The following PRLR variants were observed in gnomAD, a reference collection of about 807,000 sequenced individuals.
The protein encoded by PRLR is hPRL receptor.
In PRLR, 13 loss-of-function variants were observed where a neutral mutation model predicts 40.2. The ratio of observed to expected loss-of-function variants is 0.32; its 90% confidence interval spans 0.21 to 0.51. The LOEUF is 0.51. Among genes scored for constraint, PRLR ranks in the 20% least tolerant of loss-of-function variants. The probability of loss-of-function intolerance (pLI) is 0.97; values close to 1 mark genes in which losing one functional copy is unlikely to be tolerated. For synonymous variants in PRLR, 269 were observed against 278.7 expected (o/e 0.97, Z 0.35); for missense variants, 656 against 747.3 (o/e 0.88, Z 1.42).
chr5:35,085,500 T>C (rs1025599920), intron 4 of PRLR, among the ~76,000 whole-genome samples: 2 of 152,216 alleles, frequency 1.3e-5, no homozygotes, highest in African/African-American at 4.8e-5. Flanking sequence ...GGTTTAGCCC[T>C]CATTTCAACC....
chr5:35,113,631 T>C (rs1772834253), intron 2 of PRLR, among the ~76,000 whole-genome samples: 3 of 152,246 alleles, frequency 2.0e-5, no homozygotes, highest in Admixed American at 2.0e-4. Flanking sequence ...GGTAGGGTCC[T>C]AAGAATACAA....
At chr5:35,151,572 G>C (rs1301942310) in intron 1 of PRLR, among the ~76,000 whole-genome samples, 1 of 152,046 alleles carries the variant, frequency 6.6e-6, no homozygotes, top group Non-Finnish European at 1.5e-5. Flanking sequence ...TGACCACCAA[G>C]ACTAGATCAG....
intron 2 of PRLR, among the ~76,000 whole-genome samples, chr5:35,092,118 A>G (rs1771250231): frequency 6.6e-6 from 1 of 152,198 alleles, no homozygotes; most frequent in African/African-American, 2.4e-5. Context: ...GTGCTAGTAC[A>G]GGATCAAAGA....
intron 1 of PRLR, among the ~76,000 whole-genome samples, chr5:35,183,586 A>C (rs1775348415): frequency 6.6e-6 from 1 of 152,166 alleles, no homozygotes; most frequent in Non-Finnish European, 1.5e-5. Context: ...TGAGCCCATC[A>C]TATTGGCTTA....
At chr5:35,089,717 A>C in intron 2 of PRLR, 54 bp from the exon 3 acceptor site, 1 of 1,090,106 alleles carries the variant, frequency 9.2e-7, no homozygotes, top group Non-Finnish European at 1.4e-6. Context: ...GGTCAGGCAC[A>C]TCCACCACTT....
chr5:35,156,158 C>CAAA (rs1774498691), intron 1 of PRLR, among the ~76,000 whole-genome samples: 2 of 147,218 alleles, frequency 1.4e-5, no homozygotes, highest in African/African-American at 5.4e-5. Flanking sequence ...AAAACAAAAC[C>CAAA]AACTTTGAAT....
At chr5:35,176,311 T>C (rs1158685196) in intron 1 of PRLR, among the ~76,000 whole-genome samples, 1 of 152,264 alleles carries the variant, frequency 6.6e-6, no homozygotes, top group Admixed American at 6.5e-5. Flanking sequence ...TAACATTTTT[T>C]AACTTTCTTT....
downstream of PRLR, among the ~76,000 whole-genome samples, chr5:35,052,813 C>A (rs755526716): frequency 2.6e-5 from 4 of 152,140 alleles, no homozygotes; most frequent in Non-Finnish European, 5.9e-5. Context: ...GACAGACAGG[C>A]CTTGCTAGGT....
At chr5:35,126,301 T>A (rs1773462182) in intron 1 of PRLR, among the ~76,000 whole-genome samples, 1 of 152,160 alleles carries the variant, frequency 6.6e-6, no homozygotes, top group Non-Finnish European at 1.5e-5. Flanking sequence ...AGCCAGGGGA[T>A]CTGGCTCCCC....
chr5:35,191,157 G>A lies in PRLR; in HGVS notation c.-106+39111C>T, dbSNP rs1332058012. On this transcript the variant is annotated intron_variant, in intron 1 of 9. Transcript: ENST00000618457. ...GCAATCTCGGCTCACTGCAAGCTCC[G>A]CCTCCCGGGTTCACGCCATTCTCCT... Among the ~76,000 whole-genome samples, 16 of 86,894 alleles carry A rather than the reference G, an allele frequency of 1.8e-4. 2 individuals are homozygous for A. The highest frequency in any genetic ancestry group is 3.5e-4 in the East Asian group (1 of 2,894). 57.0% of individuals were successfully genotyped at this position (86,894 alleles called of 152,430 possible). A position where few individuals can be genotyped will look rare whatever the true frequency, so the allele number is the denominator to read the frequency against.
intron 1 of PRLR, among the ~76,000 whole-genome samples, chr5:35,139,209 T>C (rs1328949126): frequency 6.6e-6 from 1 of 152,050 alleles, no homozygotes; most frequent in Non-Finnish European, 1.5e-5. Flanking sequence ...ATGTCGGCTC[T>C]TTGCAACCTC....
In PRLR at chr5:35,072,684, G is replaced by C; in HGVS notation, c.434C>G (p.Pro145Arg). The C allele has an allele frequency of 1.2e-6, 2 of 1,614,130 alleles. 1 individual carries two copies. Among genetic ancestry groups the C allele is most frequent in the South Asian group, 2.2e-5 (2 of 91,072 alleles). ...VEVKQPEDRK[P>R]YLWIKWSPPT... Reference sequence around the variant, plus strand: ...TGGAGACCATTTAATCCACAGGTAGGGTTTTCTGTCTTCTGGCTGTTTTAC... The same window carrying C: ...TGGAGACCATTTAATCCACAGGTAGCGTTTTCTGTCTTCTGGCTGTTTTAC... The change falls in exon 6 of 10, where the codon CCC (proline) becomes CGC (arginine). Residue 145 changes from proline to arginine, a missense_variant. Pro to Arg is a moderately radical substitution (Grantham distance 103). Transcript: ENST00000618457.
chr5:35,136,595 A>G (rs1326676011), intron 1 of PRLR, among the ~76,000 whole-genome samples: 9 of 152,010 alleles, frequency 5.9e-5, no homozygotes, highest in Admixed American at 6.6e-5. Flanking sequence ...CAGGGTGAAG[A>G]CTCATCAACT....
chr5:35,133,908 C>T (rs1211724936), intron 1 of PRLR, among the ~76,000 whole-genome samples: 2 of 152,122 alleles, frequency 1.3e-5, no homozygotes, highest in Non-Finnish European at 2.9e-5. Context: ...TCTTTTCAAC[C>T]ATGTTTATTA....
chr5:35,059,906 T>A lies in PRLR; in HGVS notation c.*5183A>T, dbSNP rs1768930453. On this transcript the variant is annotated 3_prime_UTR_variant, in exon 10 of 10. Coordinates refer to ENST00000618457, the MANE Select transcript of PRLR (RefSeq NM_000949.7). ...TGGAGTGCAGTGACACAATCACGGTTCACTGCAGCCTCGACCTCCTGGGCT... is the reference window on the plus strand; with the variant it reads ...TGGAGTGCAGTGACACAATCACGGTACACTGCAGCCTCGACCTCCTGGGCT... The A allele has an allele frequency of 6.6e-6, 1 of 152,248 alleles. No homozygotes were observed. The highest frequency in any genetic ancestry group is 2.4e-5 in the African/African-American group (1 of 41,426). 9.4% of individuals were successfully genotyped at this position (152,248 alleles called of 1,614,324 possible). A position where few individuals can be genotyped will look rare whatever the true frequency, so the allele number is the denominator to read the frequency against.
At chr5:35,127,676 A>G (rs967958530) in intron 1 of PRLR, among the ~76,000 whole-genome samples, 2 of 152,224 alleles carry the variant, frequency 1.3e-5, no homozygotes, top group Non-Finnish European at 2.9e-5. Flanking sequence ...AGCCATAGAA[A>G]AAAAGGAAGC....
chr5:35,066,766 T>TA (rs977909533), intron 9 of PRLR, among the ~76,000 whole-genome samples: 1 of 145,444 alleles, frequency 6.9e-6, no homozygotes, highest in Non-Finnish European at 1.5e-5. Context: ...TGCCTCTTTT[T>TA]TTTTTTTTTT....
At position 35,057,260 on chromosome 5, in the gene PRLR, G is replaced by A. The variant is rs1768778319; in HGVS notation, c.*7829C>T. On this transcript the variant is annotated 3_prime_UTR_variant, in exon 10 of 10. Transcript: ENST00000618457. ...CAATCATAGGAAGGGTGGACATAAA[G>A]GGGAAGAATTTTTTTTGTCCAACTT... The A allele has an allele frequency of 6.6e-6, 1 of 152,100 alleles. No individual in the cohort carries two copies. Among genetic ancestry groups the A allele is most frequent in the Non-Finnish European group, 1.5e-5 (1 of 68,008 alleles). The allele number at this position is 152,100 out of a possible 1,614,324, so 9.4% of individuals were successfully genotyped here.
At chr5:35,165,325 G>C (rs1774792301) in intron 1 of PRLR, among the ~76,000 whole-genome samples, 1 of 152,170 alleles carries the variant, frequency 6.6e-6, no homozygotes. Flanking sequence ...GCATAACAGA[G>C]ACTCTCTGAT....
Sources: allele counts gnomAD v4.1 joint callset (sites outside exome capture counted in the v4.1 genomes callset), GRCh38; gene constraint gnomAD v4.1.1; transcripts MANE v1.5; gene names NCBI Gene and HGNC (gene_info 2026-07-23, HGNC 2026-07-21).